EIF5B: variants seen among roughly 807,000 people sequenced by gnomAD.
EIF5B encodes the protein eukaryotic translation initiation factor 5B.
A neutral mutation model predicts 147.5 loss-of-function variants in EIF5B; 47 were observed. That is an observed-to-expected ratio of 0.32 (90% confidence interval 0.25 to 0.41). The LOEUF (loss-of-function observed/expected upper bound fraction) is 0.41. Among genes scored for constraint, EIF5B ranks in the 10% least tolerant of loss-of-function variants. EIF5B has a pLI of 1.00. For missense variants in EIF5B, 1,064 were observed against 1,413.2 expected (o/e 0.75, Z 3.96); for synonymous variants, 455 against 456.2 (o/e 1.00, Z 0.03).
intron 17 of EIF5B, among the ~76,000 whole-genome samples, chr2:99,390,973 G>A (rs1674916996): frequency 6.6e-6 from 1 of 152,138 alleles, no homozygotes; most frequent in Non-Finnish European, 1.5e-5. Flanking sequence ...GTTGACTCTT[G>A]AACAACATGA....
intron 8 of EIF5B, among the ~76,000 whole-genome samples, chr2:99,370,918 A>G (rs1674431898): frequency 6.6e-6 from 1 of 152,256 alleles, no homozygotes; most frequent in Non-Finnish European, 1.5e-5. Context: ...GAATTTAAGT[A>G]TATTTAAATA....
chr2:99,398,965 G>A, intron 23 of EIF5B, 56 bp downstream of exon 23: 1 of 1,573,868 alleles, frequency 6.4e-7, no homozygotes, highest in African/African-American at 1.4e-5. Flanking sequence ...ACTCTTCTTG[G>A]GTCACCTGTA....
intron 1 of EIF5B, chr2:99,338,262 T>C: frequency 8.0e-7 from 1 of 1,256,636 alleles, no homozygotes; most frequent in Non-Finnish European, 1.0e-6. Context: ...CGCTCCTTTC[T>C]AACCACCTGC....
chr2:99,387,404 C>G (rs1276719615), intron 14 of EIF5B, among the ~76,000 whole-genome samples: 1 of 152,010 alleles, frequency 6.6e-6, no homozygotes, highest in African/African-American at 2.4e-5. Context: ...TTTAAAGACT[C>G]TTTGCTGAAA....
chr2:99,382,876 C>T lies in EIF5B; in HGVS notation c.2226C>T (p.Asn742=), dbSNP rs1443162169. The change falls in exon 14 of 24, where the codon AAC becomes AAT. Residue 742 remains asparagine (N), a synonymous_variant. Transcript: ENST00000289371. ...AGCCCCAGACAATTGAGTCTATCAA[C>T]CTTCTCAAATCTAAAAAATGTCCCT... The part of the protein sequence containing the change: ...GLEPQTIESI[N]LLKSKKCPFI... 1.2e-6 allele frequency: 2 copies of T among 1,611,280 alleles called. No individual in the cohort carries two copies. Among genetic ancestry groups the T allele is most frequent in the African/African-American group, 1.3e-5 (1 of 74,840 alleles).
At chr2:99,381,677 G>C (rs1674692426) in intron 12 of EIF5B, among the ~76,000 whole-genome samples, 1 of 151,992 alleles carries the variant, frequency 6.6e-6, no homozygotes, top group Non-Finnish European at 1.5e-5. Flanking sequence ...GACGTTATTT[G>C]AATACAACAG....
intron 14 of EIF5B, among the ~76,000 whole-genome samples, chr2:99,387,794 G>A (rs1559258863): frequency 6.6e-6 from 1 of 152,098 alleles, no homozygotes; most frequent in East Asian, 1.9e-4. Flanking sequence ...TGGTATCTCT[G>A]TACATTTACT....
intron 9 of EIF5B, among the ~76,000 whole-genome samples, chr2:99,376,133 G>A (rs1321694082): frequency 1.3e-5 from 2 of 152,062 alleles, no homozygotes; most frequent in African/African-American, 4.8e-5. Flanking sequence ...TTCTTAAAAC[G>A]TGAGACTTTT....
chr2:99,361,834 T>C lies in EIF5B; in HGVS notation c.919+14T>C, dbSNP rs1674220884. On this transcript the variant is annotated intron_variant, in intron 4 of 23. Transcript: ENST00000289371. Reference sequence around the variant, plus strand: ...CAGCTGCAGAAGGTTGGTTAATACTTTAGAGGAAAGAGCAAAAGGCTTTTG... The same window carrying C: ...CAGCTGCAGAAGGTTGGTTAATACTCTAGAGGAAAGAGCAAAAGGCTTTTG... The C allele has an allele frequency of 1.3e-6, 2 of 1,509,158 alleles. No homozygotes were observed. The highest frequency in any genetic ancestry group is 2.8e-5 in the African/African-American group (2 of 70,622). The allele number at this position is 1,509,158 out of a possible 1,614,324, so 93.5% of individuals were successfully genotyped here. A position where few individuals can be genotyped will look rare whatever the true frequency, so the allele number is the denominator to read the frequency against.
At chr2:99,337,937 G>A (rs1019002826) in intron 1 of EIF5B, among the ~76,000 whole-genome samples, 1 of 152,256 alleles carries the variant, frequency 6.6e-6, no homozygotes, top group African/African-American at 2.4e-5. Context: ...TACTCTTGGC[G>A]AGGGTGGGGA....
chr2:99,355,658 G>T (rs1256939237), intron 1 of EIF5B, among the ~76,000 whole-genome samples: 1 of 141,426 alleles, frequency 7.1e-6, no homozygotes, highest in African/African-American at 2.6e-5. Context: ...TGTCGCCCAG[G>T]CTGGAGTGCA....
At chr2:99,381,551 G>A (rs1160384338) in intron 12 of EIF5B, among the ~76,000 whole-genome samples, 11 of 151,672 alleles carry the variant, frequency 7.3e-5, no homozygotes, top group Non-Finnish European at 1.6e-4. Context: ...GTGTGTGTGT[G>A]TGAAATTAGT....
chr2:99,394,310 A>G lies in EIF5B; in HGVS notation c.2924A>G (p.Lys975Arg), dbSNP rs1298080382. 6.2e-7 allele frequency: 1 copy of G among 1,613,390 alleles called. No individual in the cohort carries two copies. The highest frequency in any genetic ancestry group is 8.5e-7 in the Non-Finnish European group (1 of 1,179,856). Reference protein sequence around the residue: ...HELKQTLNAIKLEEKGVYVQA... With the variant: ...HELKQTLNAIRLEEKGVYVQA... ...TTAAAGCAGACACTAAATGCTATCA[A>G]ATTAGAAGAAAAAGGAGTCTATGTC... Residue 975 changes from lysine (K) to arginine (R), a missense_variant, in exon 19 of 24, where the codon AAA (lysine) becomes AGA (arginine). Physicochemically the swap from Lys to Arg is conservative, Grantham distance 26. Coordinates refer to ENST00000289371, the MANE Select transcript of EIF5B (RefSeq NM_015904.4).
Position 99,350,164 on chromosome 2 carries a change from C to T in EIF5B, c.36-10072C>T, listed in dbSNP as rs376082342. Among the ~76,000 whole-genome samples, 7 of 152,120 alleles carry T rather than the reference C, an allele frequency of 4.6e-5. No homozygotes were observed. In the South Asian group the frequency reaches 8.3e-4, roughly 18 times the overall value. On this transcript the variant is annotated intron_variant, in intron 1 of 23. Transcript: ENST00000289371. ...ATGAATAGTATTCACACTGTGTAGA[C>T]GTACATTTTCTTTATCCATTCATCT...
At chr2:99,365,174 T>C (rs62155771) in intron 6 of EIF5B, among the ~76,000 whole-genome samples, 16 of 152,354 alleles carry the variant, frequency 1.1e-4, no homozygotes, top group Admixed American at 8.5e-4. Flanking sequence ...TATGCTATAA[T>C]TACAGTAATA....
In EIF5B at chr2:99,390,683, C is replaced by T. The variant is rs537770661; in HGVS notation, c.2726C>T (p.Pro909Leu). ...TQIRGLLLPP[P>L]MKELRVKNQY... ...ATTCGAGGCCTCCTGTTACCTCCTC[C>T]TATGAAGGAATTACGAGTGAAGGTA... Residue 909 changes from proline to leucine, a missense_variant, in exon 17 of 24, where the codon CCT (proline) becomes CTT (leucine). By Grantham distance (98) the Pro-to-Leu change is moderately conservative (BLOSUM62 -3). This residue lies in a region of EIF5B where 380 missense variants were observed against 715.6 expected (regional missense o/e 0.53). Coordinates refer to ENST00000289371, the MANE Select transcript of EIF5B (RefSeq NM_015904.4). 6.2e-7 allele frequency: 1 copy of T among 1,604,938 alleles called. No homozygotes were observed. The highest frequency in any genetic ancestry group is 1.1e-5 in the South Asian group (1 of 90,898).
At chr2:99,382,349 G>A in intron 13 of EIF5B, 123 bp downstream of exon 13, 1 of 702,692 alleles carries the variant, frequency 1.4e-6, no homozygotes, top group East Asian at 2.7e-5. Flanking sequence ...CTCCACCTTT[G>A]TACCTCATTG....
rs758137614 is a variant in EIF5B at position 99,361,645 on chromosome 2, G to A, written c.744G>A (p.Ala248=). 1.0e-5 allele frequency: 16 copies of A among 1,595,834 alleles called. No homozygotes were observed. Among genetic ancestry groups the A allele is most frequent in the African/African-American group, 1.4e-5 (1 of 73,340 alleles). The change falls in exon 4 of 24, where the codon GCG becomes GCA. Residue 248 remains alanine, a synonymous_variant. Coordinates refer to ENST00000289371, the MANE Select transcript of EIF5B (RefSeq NM_015904.4). ...GAAAAAAGCGAGATGAAGAAAAAGC[G>A]AAACTGCGGAAGCTGAAAGAAAAAG... ...RERKKRDEEK[A]KLRKLKEKEE...
intron 17 of EIF5B, 131 bp downstream of exon 17, chr2:99,390,836 AT>A: frequency 1.0e-6 from 1 of 1,001,152 alleles, no homozygotes. Context: ...TCTCCCTTTT[AT>A]TTTAGTTGTC....
Sources: gnomAD v4.1 joint callset for allele counts (sites outside exome capture counted in the v4.1 genomes callset) on GRCh38, gnomAD v4.1.1 for gene constraint, gnomAD v4.1.1 regional missense constraint, MANE v1.5 for transcripts, NCBI Gene and HGNC (gene_info 2026-07-23, HGNC 2026-07-21) for gene names.